NTM: variants seen among roughly 807,000 people sequenced by gnomAD.
NTM encodes neurotrimin.
In NTM, 13 loss-of-function variants were observed where a neutral mutation model predicts 42.1. That is an observed-to-expected ratio of 0.31 (90% CI 0.20 to 0.49). The LOEUF (loss-of-function observed/expected upper bound fraction) is 0.49. Among genes scored for constraint, NTM ranks in the 20% least tolerant of loss-of-function variants. The pLI is 0.99. For missense variants in NTM, 373 were observed against 452.8 expected (o/e 0.82, Z 1.60); for synonymous variants, 187 against 179.2 (o/e 1.04, Z -0.35).
intron 1 of NTM, among the ~76,000 whole-genome samples, chr11:131,664,336 T>C (rs1454160570): frequency 6.6e-6 from 1 of 152,248 alleles, no homozygotes; most frequent in Non-Finnish European, 1.5e-5. Flanking sequence ...TTAATAATTA[T>C]CATTACTTGA....
intron 1 of NTM, among the ~76,000 whole-genome samples, chr11:131,632,741 C>A (rs1000003942): frequency 2.5e-5 from 3 of 118,198 alleles, no homozygotes; most frequent in African/African-American, 3.5e-5. Flanking sequence ...GTGGCGCGAT[C>A]TCCACTCACT....
chr11:131,407,587 T>G (rs781331151), intron 1 of NTM, among the ~76,000 whole-genome samples: 2 of 152,054 alleles, frequency 1.3e-5, no homozygotes, highest in Non-Finnish European at 2.9e-5. Flanking sequence ...AGGCTGAAAG[T>G]GGGGACAAAA....
intron 1 of NTM, among the ~76,000 whole-genome samples, chr11:131,590,900 G>C (rs1275444144): frequency 6.6e-6 from 1 of 152,164 alleles, no homozygotes; most frequent in Admixed American, 6.5e-5. Flanking sequence ...GATAGCATGC[G>C]AGTGGATACC....
chr11:132,040,588 C>A lies in NTM; in HGVS notation c.168-105694C>A, dbSNP rs542096377. Among the ~76,000 whole-genome samples, 7 of 152,334 alleles carry A rather than the reference C, an allele frequency of 4.6e-5. 1 individual carries two copies. The highest frequency in any genetic ancestry group is 1.7e-4 in the African/African-American group (7 of 41,580). ...TAATCCCAGGTGCTACCTGCTTTCT[C>A]CCAGGTCCCCCTGTGATCCTTCTCC... is the stretch of plus-strand genomic sequence containing the variant. On this transcript the variant is annotated intron_variant, in intron 2 of 8. Coordinates refer to ENST00000683400, the MANE Select transcript of NTM (RefSeq NM_001352005.2).
chr11:131,497,898 C>T (rs887753201), intron 1 of NTM, among the ~76,000 whole-genome samples: 18 of 152,166 alleles, frequency 1.2e-4, no homozygotes, highest in African/African-American at 4.1e-4. Flanking sequence ...CAAAACTACT[C>T]ACCTCGCCAC....
intron 2 of NTM, among the ~76,000 whole-genome samples, chr11:132,121,162 A>G (rs2064755957): frequency 6.6e-6 from 1 of 152,150 alleles, no homozygotes; most frequent in Admixed American, 6.5e-5. Context: ...GAGCCTGAGG[A>G]TATGCAATTC....
chr11:132,122,576 C>A (rs1205244685), intron 2 of NTM, among the ~76,000 whole-genome samples: 1 of 152,134 alleles, frequency 6.6e-6, no homozygotes, highest in Non-Finnish European at 1.5e-5. Flanking sequence ...AATGAGCTGA[C>A]ACTTGTCTGA....
At chr11:131,930,621 T>C (rs2058488919) in intron 2 of NTM, among the ~76,000 whole-genome samples, 1 of 152,192 alleles carries the variant, frequency 6.6e-6, no homozygotes, top group Admixed American at 6.5e-5. Context: ...CCTGTGAAAG[T>C]TTCTGCACTC....
At chr11:132,315,104 G>C (rs774273225) in intron 7 of NTM, 3 of 993,952 alleles carry the variant, frequency 3.0e-6, no homozygotes, top group Non-Finnish European at 3.6e-6. Context: ...AGTGATGATG[G>C]CTCCTAAGCT....
At chr11:131,914,727 C>A (rs2055978492) in intron 2 of NTM, among the ~76,000 whole-genome samples, 1 of 152,224 alleles carries the variant, frequency 6.6e-6, no homozygotes, top group Non-Finnish European at 1.5e-5. Context: ...TCTTTCTGCC[C>A]TCCCGCTGGC....
At chr11:132,137,757 T>TG (rs566591727) in intron 2 of NTM, among the ~76,000 whole-genome samples, 1 of 152,056 alleles carries the variant, frequency 6.6e-6, no homozygotes, top group South Asian at 2.1e-4. Context: ...AGACAGCTGG[T>TG]GGATGGACCC....
intron 1 of NTM, among the ~76,000 whole-genome samples, chr11:131,386,372 G>A (rs1943317131): frequency 6.6e-6 from 1 of 152,224 alleles, no homozygotes; most frequent in Non-Finnish European, 1.5e-5. Flanking sequence ...TTCTGGAAAT[G>A]AATGGCAGTG....
chr11:132,167,496 G>T (rs1423049427), intron 3 of NTM, among the ~76,000 whole-genome samples: 1 of 152,162 alleles, frequency 6.6e-6, no homozygotes, highest in Non-Finnish European at 1.5e-5. Flanking sequence ...TCCATTTTGT[G>T]TTTTTTAGCA....
chr11:131,795,947 G>A (rs2091508293), intron 1 of NTM: 1 of 981,288 alleles, frequency 1.0e-6, no homozygotes, highest in Non-Finnish European at 1.2e-6. Context: ...CATGGAAGTG[G>A]TTAGGATATT....
At chr11:131,636,300 A>T (rs1018048097) in intron 1 of NTM, among the ~76,000 whole-genome samples, 1 of 152,148 alleles carries the variant, frequency 6.6e-6, no homozygotes, top group African/African-American at 2.4e-5. Flanking sequence ...AACTGAAGTA[A>T]CAGCTTTATA....
intron 1 of NTM, among the ~76,000 whole-genome samples, chr11:131,511,952 T>C (rs408376): frequency 0.16 from 24,898 of 152,096 alleles, 2,168 homozygotes; most frequent in Middle Eastern, 0.23. Context: ...CCCTATTCTA[T>C]GGTCCAGAAT....
chr11:131,725,602 C>G (rs555856834), intron 1 of NTM, among the ~76,000 whole-genome samples: 3 of 152,086 alleles, frequency 2.0e-5, no homozygotes, highest in African/African-American at 7.2e-5. Context: ...CCAGAAACAT[C>G]AAGGACGTCA....
chr11:131,689,294 G>C (rs991250569), intron 1 of NTM, among the ~76,000 whole-genome samples: 5 of 152,174 alleles, frequency 3.3e-5, no homozygotes, highest in African/African-American at 1.2e-4. Context: ...GCCCTGCCTT[G>C]CCTCCCCACC....
chr11:131,442,800 A>T, intron 1 of NTM, among the ~76,000 whole-genome samples: 1 of 151,874 alleles, frequency 6.6e-6, no homozygotes, highest in South Asian at 2.1e-4. Flanking sequence ...ACGTGTATAT[A>T]TTATATATAT....
Sources: allele counts gnomAD v4.1 joint callset (sites outside exome capture counted in the v4.1 genomes callset), GRCh38; gene constraint gnomAD v4.1.1; transcripts MANE v1.5; gene names NCBI Gene and HGNC (gene_info 2026-07-23, HGNC 2026-07-21).